The following PRDM2 variants were observed in gnomAD, a reference collection of about 807,000 sequenced individuals.
The protein encoded by PRDM2 is PR domain zinc finger protein 2.
A neutral mutation model predicts 130.0 loss-of-function variants in PRDM2; 30 were observed. That is an observed-to-expected ratio of 0.23 (90% CI 0.17 to 0.31). The LOEUF is 0.31. Among genes scored for constraint, PRDM2 ranks in the 10% least tolerant of loss-of-function variants. The probability of loss-of-function intolerance (pLI) is 1.00; values close to 1 mark genes in which losing one functional copy is unlikely to be tolerated. For missense variants in PRDM2, 2,011 were observed against 2,108.4 expected (o/e 0.95, Z 0.90); for synonymous variants, 871 against 782.4 (o/e 1.11, Z -1.89).
chr1:13,769,547 C>T (rs1038120239), intron 6 of PRDM2, among the ~76,000 whole-genome samples: 12 of 152,176 alleles, frequency 7.9e-5, no homozygotes, highest in Non-Finnish European at 8.8e-5. Flanking sequence ...ATAGCCCCTT[C>T]ATCTCTAGTC....
At chr1:13,720,963 G>A (rs963446807) in intron 2 of PRDM2, among the ~76,000 whole-genome samples, 1 of 152,142 alleles carries the variant, frequency 6.6e-6, no homozygotes, top group East Asian at 1.9e-4. Context: ...CACTGCTGTC[G>A]AGTCATAGGA....
intron 6 of PRDM2, among the ~76,000 whole-genome samples, chr1:13,767,886 G>A (rs1644264971): frequency 6.6e-6 from 1 of 151,730 alleles, no homozygotes; most frequent in South Asian, 2.1e-4. Context: ...GAGGCAGGAG[G>A]GATCACCTGA....
At chr1:13,739,662 C>G (rs1483903658) in intron 4 of PRDM2, among the ~76,000 whole-genome samples, 1 of 152,180 alleles carries the variant, frequency 6.6e-6, no homozygotes, top group Non-Finnish European at 1.5e-5. Flanking sequence ...AACCACACTT[C>G]TGTGAACATT....
At chr1:13,724,067 G>T (rs1252662724) in intron 2 of PRDM2, among the ~76,000 whole-genome samples, 1 of 152,196 alleles carries the variant, frequency 6.6e-6, no homozygotes, top group African/African-American at 2.4e-5. Context: ...GTGGGGACTA[G>T]CTTCTAGGAG....
intron 6 of PRDM2, among the ~76,000 whole-genome samples, chr1:13,770,650 C>A (rs559227765): frequency 6.6e-6 from 1 of 152,024 alleles, no homozygotes; most frequent in Admixed American, 6.5e-5. Context: ...TTACACCTCT[C>A]CATTTTAATT....
chr1:13,803,037 G>A lies in PRDM2; in HGVS notation c.5037-13390G>A, dbSNP rs1057392836. The stretch of plus-strand genomic sequence containing the variant: ...GGCTGGTCGTGTCACGGGCAGTGAC[G>A]GTGTTTCCAGCCGAGGTGACATTCT... On this transcript the variant is annotated intron_variant, in intron 8 of 9. Transcript: ENST00000311066. This position sits in a 1 kb window ranked among gnomAD's most constrained non-coding sequence, Gnocchi z 6.2. 3.3e-5 allele frequency among the ~76,000 whole-genome samples: 5 copies of A among 152,158 alleles called. No individual in the cohort carries two copies. Among genetic ancestry groups the A allele is most frequent in the African/African-American group, 4.8e-5 (2 of 41,438 alleles).
rs140438273 is a variant in PRDM2, at chr1:13,754,670, G to A, written c.511+5183G>A. 3.5e-4 allele frequency among the ~76,000 whole-genome samples: 54 copies of A among 152,372 alleles called. 1 individual carries two copies. The East Asian group carries it at 9.4e-3, about 27-fold the overall frequency. On this transcript the variant is annotated intron_variant, in intron 6 of 9. Transcript: ENST00000311066. ...TCCTAACCTTTCGTAGCAGCCAGCA[G>A]CTCTGTTTCAGGCTCTAAGCTGAAT...
chr1:13,794,771 C>T (rs924019327), intron 8 of PRDM2, among the ~76,000 whole-genome samples: 1 of 152,216 alleles, frequency 6.6e-6, no homozygotes, highest in African/African-American at 2.4e-5. Context: ...AAAGTTGAGC[C>T]TGGCATGCCA....
At chr1:13,808,482 A>C (rs1645120877) in intron 8 of PRDM2, among the ~76,000 whole-genome samples, 3 of 151,818 alleles carry the variant, frequency 2.0e-5, no homozygotes, top group Admixed American at 6.6e-5. Context: ...AAAAAAAAAA[A>C]ACAGTTGATG....
intron 6 of PRDM2, among the ~76,000 whole-genome samples, chr1:13,762,059 T>C (rs1337600755): frequency 6.6e-6 from 1 of 152,272 alleles, no homozygotes; most frequent in East Asian, 1.9e-4. Context: ...GCGTGCACTT[T>C]CTGTAATTTG....
intron 2 of PRDM2, among the ~76,000 whole-genome samples, chr1:13,730,780 C>T (rs1643076074): frequency 6.6e-6 from 1 of 152,060 alleles, no homozygotes; most frequent in South Asian, 2.1e-4. Flanking sequence ...AATAGAGTAA[C>T]ACAGACATGC....
In PRDM2 at chr1:13,778,871, T is replaced by A; in HGVS notation, c.1076T>A (p.Met359Lys). The change falls in exon 8 of 10, where the codon ATG (methionine) becomes AAG (lysine). Residue 359 changes from methionine (M) to lysine (K), a missense_variant. By Grantham distance (95) the Met-to-Lys change is moderately conservative. Coordinates refer to ENST00000311066, the MANE Select transcript of PRDM2 (RefSeq NM_001393986.1). Reference protein sequence around the residue: ...EANGDVFETFMFPCQHCERKF... With the variant: ...EANGDVFETFKFPCQHCERKF... ...AATGGTGATGTATTTGAAACGTTTA[T>A]GTTTCCGTGTCAACATTGTGAAAGG... 1 of 1,614,278 alleles carries A rather than the reference T, an allele frequency of 6.2e-7. No individual in the cohort carries two copies. The highest frequency in any genetic ancestry group is 8.5e-7 in the Non-Finnish European group (1 of 1,180,046).
Position 13,821,264 on chromosome 1 carries a change from A to G in PRDM2, c.*24-1895A>G, listed in dbSNP as rs148383607. On this transcript the variant is annotated intron_variant, in intron 9 of 9. Coordinates refer to ENST00000311066, the MANE Select transcript of PRDM2 (RefSeq NM_001393986.1). ...GTGCCTGGTATGCAATAAGCCTTCC[A>G]TAAACAACTGGTATTATTATTATTA... 5.0e-4 allele frequency among the ~76,000 whole-genome samples: 76 copies of G among 152,280 alleles called. No homozygotes were observed. The East Asian group carries it at 0.013, about 26-fold the overall frequency.
At chr1:13,758,068 C>G (rs1227553507) in intron 6 of PRDM2, among the ~76,000 whole-genome samples, 3 of 152,070 alleles carry the variant, frequency 2.0e-5, no homozygotes. Flanking sequence ...ATTTTTAAAA[C>G]TGCTTGAGTT....
intron 9 of PRDM2, among the ~76,000 whole-genome samples, chr1:13,820,487 C>A (rs1645331454): frequency 6.6e-6 from 1 of 152,244 alleles, no homozygotes. Flanking sequence ...TGTCTTCACC[C>A]CGTGTCTTTC....
chr1:13,816,696 G>T, intron 9 of PRDM2, 126 bp downstream of exon 9: 3 of 1,274,030 alleles, frequency 2.4e-6, no homozygotes, highest in Non-Finnish European at 3.2e-6. Flanking sequence ...TACCAGGCAC[G>T]GTGCAGGGCC....
chr1:13,717,994 T>C (rs1378395029), intron 2 of PRDM2, among the ~76,000 whole-genome samples: 1 of 152,218 alleles, frequency 6.6e-6, no homozygotes, highest in African/African-American at 2.4e-5. Flanking sequence ...ATAAAATCTA[T>C]CAGTGTTTTT....
intron 5 of PRDM2, 142 bp downstream of exon 5, chr1:13,742,299 T>C (rs1643470398): frequency 1.1e-6 from 1 of 948,546 alleles, no homozygotes; most frequent in African/African-American, 1.7e-5. Flanking sequence ...CTCCCCAGCC[T>C]TGGGCGATCC....
chr1:13,710,073 C>G (rs1642322666), intron 1 of PRDM2, among the ~76,000 whole-genome samples: 1 of 152,224 alleles, frequency 6.6e-6, no homozygotes, highest in African/African-American at 2.4e-5. Flanking sequence ...AATCTGTTCT[C>G]CTACTTTGCC....
Sources: gnomAD v4.1 joint callset for allele counts (sites outside exome capture counted in the v4.1 genomes callset) on GRCh38, gnomAD v4.1.1 for gene constraint, Gnocchi (gnomAD v3.1) non-coding constraint, MANE v1.5 for transcripts, NCBI Gene and HGNC (gene_info 2026-07-23, HGNC 2026-07-21) for gene names.